CENPE: variants seen among roughly 807,000 people sequenced by gnomAD.
CENPE encodes centromere-associated protein E.
Under a neutral mutation model 336.1 loss-of-function variants are expected in CENPE, and 145 were observed. The ratio of observed to expected loss-of-function variants is 0.43; its 90% CI spans 0.38 to 0.50. The LOEUF (loss-of-function observed/expected upper bound fraction) is 0.50. Among genes scored for constraint, CENPE ranks in the 20% least tolerant of loss-of-function variants. The pLI is 0.00. For missense variants in CENPE, 2,719 were observed against 3,023.3 expected (o/e 0.90, Z 2.36); for synonymous variants, 1,013 against 984.8 (o/e 1.03, Z -0.54).
At chr4:103,120,788 T>G (rs1011679646) in intron 43 of CENPE, among the ~76,000 whole-genome samples, 1 of 152,090 alleles carries the variant, frequency 6.6e-6, no homozygotes, top group African/African-American at 2.4e-5. Context: ...CAGGCTGGAA[T>G]GCAGTGGCGC....
chr4:103,175,650 T>C (rs1448696275), intron 15 of CENPE, among the ~76,000 whole-genome samples: 2 of 152,102 alleles, frequency 1.3e-5, no homozygotes, highest in African/African-American at 4.8e-5. Flanking sequence ...ATTGACACTT[T>C]TAAAATCAGT....
At chr4:103,172,359 A>G (rs1435929938) in intron 16 of CENPE, among the ~76,000 whole-genome samples, 2 of 152,014 alleles carry the variant, frequency 1.3e-5, no homozygotes, top group Non-Finnish European at 2.9e-5. Flanking sequence ...AAAGTCATAC[A>G]ATCACTTCAA....
intron 1 of CENPE, among the ~76,000 whole-genome samples, chr4:103,197,795 G>C (rs1264308656): frequency 6.6e-6 from 1 of 152,118 alleles, no homozygotes; most frequent in Non-Finnish European, 1.5e-5. Flanking sequence ...GTTGTACAAA[G>C]TCACTAAAAA....
Position 103,182,827 on chromosome 4 carries a change from C to T in CENPE, c.898G>A (p.Ala300Thr). Residue 300 changes from alanine to threonine, a missense_variant, in exon 11 of 49, where the codon GCA becomes ACA. By Grantham distance (58) the Ala-to-Thr change is moderately conservative. This residue lies in a region of CENPE where 117 missense variants were observed against 215.8 expected (regional missense o/e 0.54). Transcript: ENST00000265148. ...RILQNSLGGN[A>T]KTRIICTITP... is the part of the protein sequence containing the mutation. ...ATTGTGCAGATAATACGTGTCTTTG[C>T]ATTTCCTCCCAAGGAATTCTGGAGA... 6.2e-7 allele frequency: 1 copy of T among 1,612,496 alleles called. No individual in the cohort carries two copies. The highest frequency in any genetic ancestry group is 8.5e-7 in the Non-Finnish European group (1 of 1,178,828).
At chr4:103,121,305 C>G (rs1233430843) in intron 43 of CENPE, among the ~76,000 whole-genome samples, 1 of 152,006 alleles carries the variant, frequency 6.6e-6, no homozygotes, top group Non-Finnish European at 1.5e-5. Context: ...TTTCCATTAT[C>G]AACACATAGA....
chr4:103,161,534 A>G, intron 18 of CENPE, 77 bp from the exon 19 acceptor site: 1 of 1,311,890 alleles, frequency 7.6e-7, no homozygotes, highest in Admixed American at 2.6e-5. Context: ...ACATGTATAT[A>G]AATGTTAACT....
intron 39 of CENPE, among the ~76,000 whole-genome samples, chr4:103,137,942 C>T (rs565041664): frequency 6.6e-6 from 1 of 152,308 alleles, no homozygotes; most frequent in African/African-American, 2.4e-5. Context: ...TGTCCCACAG[C>T]TTGCCTCTTC....
chr4:103,191,082 C>CAAA (rs1757275288), intron 8 of CENPE, among the ~76,000 whole-genome samples: 1 of 152,136 alleles, frequency 6.6e-6, no homozygotes, highest in African/African-American at 2.4e-5. Flanking sequence ...AAATGCAAAT[C>CAAA]AAAACCACAA....
At chr4:103,160,942 A>G (rs1200147342) in intron 20 of CENPE, 144 bp downstream of exon 20, 1 of 915,030 alleles carries the variant, frequency 1.1e-6, no homozygotes. Context: ...TATTAATACC[A>G]AATGAAACTA....
In CENPE at chr4:103,138,457, G is replaced by A. The variant is rs752442936; in HGVS notation, c.6205-8C>T. On this transcript the variant is annotated splice_polypyrimidine_tract_variant and splice_region_variant and intron_variant, in intron 38 of 48. Transcript: ENST00000265148. ...TTGGTGGTTCTGTCGGTCCTGCTTT[G>A]GTAAAAAGAAAATAAACAGGGCTTT... 6.2e-7 allele frequency: 1 copy of A among 1,602,348 alleles called. No individual in the cohort carries two copies. The highest frequency in any genetic ancestry group is 1.7e-4 in the Middle Eastern group (1 of 6,046).
intron 25 of CENPE, among the ~76,000 whole-genome samples, chr4:103,151,866 A>C (rs1753599038): frequency 6.6e-6 from 1 of 152,204 alleles, no homozygotes; most frequent in African/African-American, 2.4e-5. Flanking sequence ...ACAAAAACAT[A>C]ACAAGCCAGA....
At chr4:103,134,300 C>A (rs911104901) in intron 40 of CENPE, among the ~76,000 whole-genome samples, 1 of 152,112 alleles carries the variant, frequency 6.6e-6, no homozygotes, top group Non-Finnish European at 1.5e-5. Flanking sequence ...CTCCTGCCAA[C>A]GCTGATTGGG....
chr4:103,129,272 C>A (rs553309826), intron 42 of CENPE, among the ~76,000 whole-genome samples: 19 of 152,290 alleles, frequency 1.2e-4, no homozygotes, highest in African/African-American at 4.6e-4. Flanking sequence ...CAATGGTGAA[C>A]TCTACCAAAT....
chr4:103,143,003 CAAAAAAA>C (rs1168385683), intron 34 of CENPE, among the ~76,000 whole-genome samples: 1 of 62,992 alleles, frequency 1.6e-5, no homozygotes, highest in Admixed American at 1.9e-4. Context: ...GACTCTGTCT[CAAAAAAA>C]AAAAAAAAAA....
chr4:103,119,406 G>C lies in CENPE; in HGVS notation c.7329+742C>G, dbSNP rs1750415045. 2.6e-5 allele frequency among the ~76,000 whole-genome samples: 4 copies of C among 152,014 alleles called. No homozygotes were observed. The South Asian group carries it at 8.3e-4, about 32-fold the overall frequency. On this transcript the variant is annotated intron_variant, in intron 44 of 48. Transcript: ENST00000265148. ...TACAACATTCTAAAACTTTACAGTT[G>C]AATTTTTTTAGTTTCTAGCTATAAC...
At chr4:103,146,768 T>A (rs1665578169) in intron 29 of CENPE, among the ~76,000 whole-genome samples, 1 of 152,144 alleles carries the variant, frequency 6.6e-6, no homozygotes, top group Non-Finnish European at 1.5e-5. Context: ...GTATAGAAAC[T>A]GGATTAGAGA....
chr4:103,117,975 C>T (rs1215051226), intron 44 of CENPE, among the ~76,000 whole-genome samples: 2 of 152,146 alleles, frequency 1.3e-5, no homozygotes, highest in African/African-American at 4.8e-5. Flanking sequence ...TATGAATGTA[C>T]CAGTTTATCC....
At chr4:103,139,071 A>G (rs1752316560) in intron 38 of CENPE, among the ~76,000 whole-genome samples, 1 of 109,342 alleles carries the variant, frequency 9.1e-6, no homozygotes, top group Non-Finnish European at 2.3e-5. Context: ...ACCTTGGAAA[A>G]GTTCATATCC....
At chr4:103,193,157 G>A (rs1234844213) in intron 8 of CENPE, among the ~76,000 whole-genome samples, 6 of 151,982 alleles carry the variant, frequency 3.9e-5, no homozygotes, top group Admixed American at 6.6e-5. Flanking sequence ...AGAGCATCAC[G>A]TAACATGAGG....
Sources: gnomAD v4.1 joint callset for allele counts (sites outside exome capture counted in the v4.1 genomes callset) on GRCh38, gnomAD v4.1.1 for gene constraint, gnomAD v4.1.1 regional missense constraint, MANE v1.5 for transcripts, NCBI Gene and HGNC (gene_info 2026-07-23, HGNC 2026-07-21) for gene names.